HECW2: variants seen among roughly 807,000 people sequenced by gnomAD.
HECW2 encodes the protein HECT, C2 and WW domain containing E3 ubiquitin protein ligase 2, also known as E3 ubiquitin-protein ligase HECW2.
In HECW2, 61 loss-of-function variants were observed where a neutral mutation model predicts 175.2. The ratio of observed to expected loss-of-function variants is 0.35; its 90% confidence interval spans 0.28 to 0.43. HECW2 has a LOEUF of 0.43. Among genes scored for constraint, HECW2 ranks in the 20% least tolerant of loss-of-function variants. The pLI is 1.00. For synonymous variants in HECW2, 671 were observed against 731.0 expected (o/e 0.92, Z 1.32); for missense variants, 1,524 against 2,000.5 (o/e 0.76, Z 4.54).
At chr2:196,278,146 A>ATATATATATATATATATATATATATG (rs1690043383) in intron 15 of HECW2, among the ~76,000 whole-genome samples, 1 of 117,028 alleles carries the variant, frequency 8.5e-6, no homozygotes, top group Non-Finnish European at 1.9e-5. Context: ...ATATATATAT[A>ATATATATATATATATATATATATATG]TATATAAAGA....
intron 2 of HECW2, among the ~76,000 whole-genome samples, chr2:196,388,071 G>T (rs1437759187): frequency 6.6e-6 from 1 of 152,040 alleles, no homozygotes; most frequent in African/African-American, 2.4e-5. Context: ...TGGGAGGATT[G>T]CTTGAGCCCA....
At chr2:196,339,936 A>G (rs576780788) in intron 3 of HECW2, among the ~76,000 whole-genome samples, 1 of 152,278 alleles carries the variant, frequency 6.6e-6, no homozygotes, top group Admixed American at 6.5e-5. Context: ...TAATGAAATA[A>G]ATTTGGACTA....
chr2:196,563,170 CAATT>C lies in HECW2; in HGVS notation c.-36+30334_-36+30337del, dbSNP rs375194073. On this transcript the variant is annotated intron_variant, in intron 1 of 28. Transcript: ENST00000644978. The stretch of plus-strand genomic sequence containing the variant: ...ACTATAAGAAGAACTTTCCATCAAA[CAATT>C]GATGATAGAAGAAAATTAGTTTGTG... Among the ~76,000 whole-genome samples, 374 of 152,274 alleles carry C rather than the reference CAATT, an allele frequency of 2.5e-3. 1 individual carries two copies. The highest frequency in any genetic ancestry group is 4.0e-3 in the Non-Finnish European group (270 of 68,026).
chr2:196,508,297 G>A (rs939092829), intron 1 of HECW2, among the ~76,000 whole-genome samples: 2 of 152,204 alleles, frequency 1.3e-5, no homozygotes, highest in Admixed American at 1.3e-4. Context: ...ATAGAAACCT[G>A]AATCCATCAA....
rs149350101 is a variant in HECW2 at position 196,583,272 on chromosome 2, A to G, written c.-36+10236T>C. Among the ~76,000 whole-genome samples, 12 of 152,348 alleles carry G rather than the reference A, an allele frequency of 7.9e-5. 1 individual carries two copies. The East Asian group carries it at 2.3e-3, about 29-fold the overall frequency. ...GGCCTGGCAAGCTCCTATATGAAGT[A>G]GCAAAATTCCAGATCACATGGCAGA... On this transcript the variant is annotated intron_variant, in intron 1 of 28. Transcript: ENST00000644978.
At chr2:196,567,349 A>G (rs904453035) in intron 1 of HECW2, among the ~76,000 whole-genome samples, 1 of 152,252 alleles carries the variant, frequency 6.6e-6, no homozygotes, top group African/African-American at 2.4e-5. Flanking sequence ...TGCCTATTAT[A>G]GCAGCTTAGC....
chr2:196,499,935 G>C (rs938055950), intron 1 of HECW2, among the ~76,000 whole-genome samples: 2 of 151,962 alleles, frequency 1.3e-5, no homozygotes, highest in East Asian at 1.9e-4. Flanking sequence ...ACATGACTTT[G>C]TTACAACAAA....
chr2:196,427,084 T>C (rs1414591235), intron 2 of HECW2, among the ~76,000 whole-genome samples: 1 of 152,134 alleles, frequency 6.6e-6, no homozygotes, highest in Non-Finnish European at 1.5e-5. Context: ...TACCAGTCCA[T>C]GACAATGTAA....
rs908774983 is a variant in HECW2, at chr2:196,196,509, A to T, written c.*4768T>A. 6.6e-6 allele frequency: 1 copy of T among 152,314 alleles called. No individual in the cohort carries two copies. Among genetic ancestry groups the T allele is most frequent in the Non-Finnish European group, 1.5e-5 (1 of 68,108 alleles). The allele number at this position is 152,314 out of a possible 1,614,324, so 9.4% of individuals were successfully genotyped here. ...CACCTACTAAATCAGAAAGCAGACA[A>T]AACAGAGCAAGGCCCAGAGGCTCAC... On this transcript the variant is annotated 3_prime_UTR_variant, in exon 29 of 29. Coordinates refer to ENST00000644978, the MANE Select transcript of HECW2 (RefSeq NM_001348768.2).
rs1038046463 is a variant in HECW2, at chr2:196,199,650, G to A, written c.*1627C>T. Reference sequence around the variant, plus strand: ...TTGGGCAATGCCTGTAAACCCATAGGCTGGCAAACCATATGTCAATCCAAT... The same window carrying A: ...TTGGGCAATGCCTGTAAACCCATAGACTGGCAAACCATATGTCAATCCAAT... On this transcript the variant is annotated 3_prime_UTR_variant, in exon 29 of 29. Transcript: ENST00000644978. The A allele has an allele frequency of 6.6e-6, 1 of 152,382 alleles. No individual in the cohort carries two copies. The highest frequency in any genetic ancestry group is 2.1e-4 in the South Asian group (1 of 4,832). 9.4% of individuals were successfully genotyped at this position (152,382 alleles called of 1,614,324 possible).
rs548880101 is a variant in HECW2 at position 196,194,108 on chromosome 2, C to A, written c.*7169G>T. ...ATTATGATTTGTATTATAATTCATTCCTTTAACATTAACAGCCCATCAAAC... is the reference window on the plus strand; with the variant it reads ...ATTATGATTTGTATTATAATTCATTACTTTAACATTAACAGCCCATCAAAC... On this transcript the variant is annotated 3_prime_UTR_variant, in exon 29 of 29. Coordinates refer to ENST00000644978, the MANE Select transcript of HECW2 (RefSeq NM_001348768.2). 6.6e-6 allele frequency: 1 copy of A among 152,034 alleles called. No homozygotes were observed. The highest frequency in any genetic ancestry group is 1.5e-5 in the Non-Finnish European group (1 of 68,014). The allele number at this position is 152,034 out of a possible 1,614,324, so 9.4% of individuals were successfully genotyped here.
At chr2:196,503,692 G>C (rs1687651442) in intron 1 of HECW2, among the ~76,000 whole-genome samples, 2 of 152,098 alleles carry the variant, frequency 1.3e-5, no homozygotes, top group African/African-American at 4.8e-5. Context: ...ATCAGGAGGG[G>C]AGAGAAAAAA....
At chr2:196,532,386 C>T (rs1688868573) in intron 1 of HECW2, among the ~76,000 whole-genome samples, 1 of 152,098 alleles carries the variant, frequency 6.6e-6, no homozygotes, top group African/African-American at 2.4e-5. Flanking sequence ...GAACAGAAAA[C>T]CAAACACCAC....
In HECW2 at chr2:196,321,768, G is replaced by A. The variant is rs567719652; in HGVS notation, c.884+710C>T. On this transcript the variant is annotated intron_variant, in intron 7 of 28. Transcript: ENST00000644978. ...AATCACTCCACCTCTGCCCTCTAATGGCTATTTCAGAAGGAAGATACAATG... is the reference window on the plus strand; with the variant it reads ...AATCACTCCACCTCTGCCCTCTAATAGCTATTTCAGAAGGAAGATACAATG... Among the ~76,000 whole-genome samples the A allele has an allele frequency of 1.2e-3, 189 of 152,134 alleles. 1 individual carries two copies. Among genetic ancestry groups the A allele is most frequent in the Non-Finnish European group, 1.1e-3 (72 of 67,988 alleles).
At chr2:196,307,510 G>GA (rs71672110) in intron 11 of HECW2, among the ~76,000 whole-genome samples, 5 of 151,382 alleles carry the variant, frequency 3.3e-5, no homozygotes, top group African/African-American at 7.3e-5. Context: ...ATTGTTAAAG[G>GA]AAAAAAAACT....
At chr2:196,563,467 G>A (rs147176316) in intron 1 of HECW2, among the ~76,000 whole-genome samples, 2 of 141,442 alleles carry the variant, frequency 1.4e-5, no homozygotes, top group African/African-American at 6.4e-5. Context: ...CCAGGAGGCT[G>A]AGGCAGGAGA....
Position 196,539,320 on chromosome 2 carries a change from A to C in HECW2, c.-36+54188T>G, listed in dbSNP as rs545743446. 5.9e-5 allele frequency among the ~76,000 whole-genome samples: 9 copies of C among 152,330 alleles called. No homozygotes were observed. The East Asian group carries it at 1.7e-3, about 29-fold the overall frequency. ...GAAACGTGTGACAACTTTCCATAAA[A>C]TGTTGGTCAATAAACAAATACTTTT... is the stretch of plus-strand genomic sequence containing the variant. On this transcript the variant is annotated intron_variant, in intron 1 of 28. Coordinates refer to ENST00000644978, the MANE Select transcript of HECW2 (RefSeq NM_001348768.2).
intron 1 of HECW2, among the ~76,000 whole-genome samples, chr2:196,584,316 C>CCA (rs922755672): frequency 6.6e-6 from 1 of 151,960 alleles, no homozygotes; most frequent in Non-Finnish European, 1.5e-5. Flanking sequence ...CTAGAGTGTC[C>CCA]CACTCACCAT....
At chr2:196,467,516 C>G (rs138319048) in intron 1 of HECW2, among the ~76,000 whole-genome samples, 6 of 152,130 alleles carry the variant, frequency 3.9e-5, no homozygotes, top group African/African-American at 1.4e-4. Context: ...TTCTATGATG[C>G]GCTTACAGTC....
Sources: allele counts gnomAD v4.1 joint callset (sites outside exome capture counted in the v4.1 genomes callset), GRCh38; gene constraint gnomAD v4.1.1; transcripts MANE v1.5; gene names NCBI Gene and HGNC (gene_info 2026-07-23, HGNC 2026-07-21).